The following ICE1 variants were observed in gnomAD, a reference collection of about 807,000 sequenced individuals.
ICE1 encodes interactor of little elongation complex ELL subunit 1, also known as little elongation complex subunit 1.
In ICE1, 64 loss-of-function variants were observed where a neutral mutation model predicts 192.7. The observed-to-expected ratio is 0.33, with a 90% CI of 0.27 to 0.41. The LOEUF (loss-of-function observed/expected upper bound fraction) is 0.41, where lower values mean the gene tolerates loss of function less well. ICE1 is among the 10% of genes least tolerant of loss of function. ICE1 has a pLI of 1.00. For synonymous variants in ICE1, 1,010 were observed against 984.5 expected (o/e 1.03, Z -0.49); for missense variants, 2,708 against 2,696.0 (o/e 1.00, Z -0.10).
chr5:5,475,845 A>C (rs1579576974), intron 16 of ICE1, 128 bp from the exon 17 acceptor site: 2 of 667,428 alleles, frequency 3.0e-6, no homozygotes. Flanking sequence ...ATCTGTTCTC[A>C]CTTGAACTTA....
At chr5:5,454,948 G>A (rs965541759) in intron 11 of ICE1, among the ~76,000 whole-genome samples, 2 of 152,092 alleles carry the variant, frequency 1.3e-5, no homozygotes, top group Non-Finnish European at 2.9e-5. Context: ...TCATGAATTT[G>A]ATCAATCTGT....
At chr5:5,447,945 G>C (rs1231327532) in intron 10 of ICE1, 48 bp downstream of exon 10, 2 of 1,418,508 alleles carry the variant, frequency 1.4e-6, no homozygotes, top group Non-Finnish European at 1.9e-6. Context: ...TGCTCTTAGT[G>C]GGTTGTGAGA....
In ICE1 at chr5:5,463,664, A is replaced by G. The variant is rs201331451; in HGVS notation, c.4330A>G (p.Ile1444Val). The G allele has an allele frequency of 4.9e-4, 798 of 1,613,840 alleles. 2 individuals carry two copies. The highest frequency in any genetic ancestry group is 8.2e-4 in the Middle Eastern group (5 of 6,082). The change falls in exon 13 of 19, where the codon ATT becomes GTT. Residue 1444 changes from isoleucine (I) to valine (V), a missense_variant. Around this residue, in one of 2 missense-constraint regions of ICE1, gnomAD observed 2,366 missense variants for 2,276.6 expected, o/e 1.04. Transcript: ENST00000296564. ...PHVDQVTLCD[I>V]PGDIPISQDQ... is the part of the protein sequence containing the mutation. ...TGTGGACCAGGTCACACTGTGTGACATTCCTGGAGACATCCCTATTTCTCA... is the reference window on the plus strand; with the variant it reads ...TGTGGACCAGGTCACACTGTGTGACGTTCCTGGAGACATCCCTATTTCTCA...
chr5:5,441,164 C>A lies in ICE1; in HGVS notation c.250C>A (p.Pro84Thr), dbSNP rs757328197. 2.9e-5 allele frequency: 46 copies of A among 1,565,312 alleles called. No homozygotes were observed. Among genetic ancestry groups the A allele is most frequent in the Non-Finnish European group, 3.8e-5 (44 of 1,153,806 alleles). Residue 84 changes from proline to threonine, a missense_variant, in exon 5 of 19, where the codon CCT (proline) becomes ACT (threonine). Physicochemically the swap from Pro to Thr is conservative, Grantham distance 38 (BLOSUM62 -1). This residue lies in a region of ICE1 where 2,366 missense variants were observed against 2,276.6 expected (regional missense o/e 1.04). Coordinates refer to ENST00000296564, the MANE Select transcript of ICE1 (RefSeq NM_015325.3). The part of the protein sequence containing the change: ...QVEEMLQKIS[P>T]LQKCQEELGS... ...GGAAGAGATGCTTCAAAAAATTTCT[C>A]CTCTACAGAAATGTCAGGAAGAACT... is the stretch of plus-strand genomic sequence containing the variant.
chr5:5,470,060 T>TC (rs749713467), intron 15 of ICE1, among the ~76,000 whole-genome samples: 48 of 152,220 alleles, frequency 3.2e-4, no homozygotes, highest in Admixed American at 7.8e-4. Flanking sequence ...CCCAGAGAAT[T>TC]ACCTGCCTCT....
intron 17 of ICE1, among the ~76,000 whole-genome samples, chr5:5,478,926 A>C (rs181705824): frequency 6.6e-6 from 1 of 152,308 alleles, no homozygotes; most frequent in Admixed American, 6.5e-5. Flanking sequence ...CCCCTTCCTT[A>C]CACCTTATAC....
chr5:5,489,612 C>A lies in ICE1; in HGVS notation c.*282C>A. On this transcript the variant is annotated 3_prime_UTR_variant, in exon 19 of 19. Transcript: ENST00000296564. Reference sequence around the variant, plus strand: ...TCAAACAACAAAAACTTGAACTTAGCCCTTTTTTTGCTGCAGAAAGTGTCC... The same window carrying A: ...TCAAACAACAAAAACTTGAACTTAGACCTTTTTTTGCTGCAGAAAGTGTCC... 1 of 247,786 alleles carries A rather than the reference C, an allele frequency of 4.0e-6. No homozygotes were observed. The highest frequency in any genetic ancestry group is 1.7e-4 in the South Asian group (1 of 5,928). The allele number at this position is 247,786 out of a possible 1,614,324, so 15.3% of individuals were successfully genotyped here.
Position 5,489,410 on chromosome 5 carries a change from G to T in ICE1, c.*80G>T. ...GTTTGATCAGCTTTCAGAATACAAA[G>T]GGAGGTTTCAAAACAAAAAGACATA... On this transcript the variant is annotated 3_prime_UTR_variant, in exon 19 of 19. Transcript: ENST00000296564. The T allele has an allele frequency of 7.8e-7, 1 of 1,284,752 alleles. No homozygotes were observed. Among genetic ancestry groups the T allele is most frequent in the Admixed American group, 2.9e-5 (1 of 34,346 alleles). 79.6% of individuals were successfully genotyped at this position (1,284,752 alleles called of 1,614,324 possible). A position where few individuals can be genotyped will look rare whatever the true frequency, so the allele number is the denominator to read the frequency against.
At position 5,462,967 on chromosome 5, in the gene ICE1, G is replaced by T. The variant is rs747725619; in HGVS notation, c.3633G>T (p.Lys1211Asn). ...TLSKEMNKELKASEIGEKYRK... is the reference protein window; with the variant it reads ...TLSKEMNKELNASEIGEKYRK... ...GTAAAGAAATGAACAAAGAATTAAA[G>T]GCAAGTGAAATAGGAGAAAAATACA... Residue 1211 changes from lysine to asparagine, a missense_variant, in exon 13 of 19, where the codon AAG (lysine) becomes AAT (asparagine). Transcript: ENST00000296564. 3.5e-5 allele frequency: 56 copies of T among 1,612,984 alleles called. No homozygotes were observed. The East Asian group carries it at 1.2e-3, about 36-fold the overall frequency.
In ICE1 at chr5:5,479,394, T is replaced by TA. The variant is rs545511268; in HGVS notation, c.6520+3316dup. 1.3e-4 allele frequency among the ~76,000 whole-genome samples: 20 copies of TA among 152,310 alleles called. No individual in the cohort carries two copies. The South Asian group carries it at 3.9e-3, about 30-fold the overall frequency. On this transcript the variant is annotated intron_variant, in intron 17 of 18. Coordinates refer to ENST00000296564, the MANE Select transcript of ICE1 (RefSeq NM_015325.3). Reference sequence around the variant, plus strand: ...AACGCAAATCAAAACCACTATGAGGTACCATCTCACACTAGTTAGGATGGT... The same window carrying TA: ...AACGCAAATCAAAACCACTATGAGGTAACCATCTCACACTAGTTAGGATGGT...
intron 1 of ICE1, among the ~76,000 whole-genome samples, chr5:5,429,963 A>G (rs943706839): frequency 5.3e-5 from 8 of 152,234 alleles, no homozygotes; most frequent in African/African-American, 1.9e-4. Flanking sequence ...CCCAGAAGGC[A>G]AAGAAAAGAT....
At position 5,466,359 on chromosome 5, in the gene ICE1, C is replaced by A; in HGVS notation, c.5918C>A (p.Ser1973Tyr). ...KKHLAECLLH[S>Y]ILSELKIQKI... is the part of the protein sequence containing the mutation. Reference sequence around the variant, plus strand: ...CATTTAGCAGAGTGCTTGCTTCACTCTATTCTCTCAGAACTAAAAATTCAG... The same window carrying A: ...CATTTAGCAGAGTGCTTGCTTCACTATATTCTCTCAGAACTAAAAATTCAG... The change falls in exon 14 of 19, where the codon TCT becomes TAT. Residue 1973 changes from serine to tyrosine, a missense_variant. By Grantham distance (144) the Ser-to-Tyr change is moderately radical. Transcript: ENST00000296564. 6.2e-7 allele frequency: 1 copy of A among 1,609,580 alleles called. No individual in the cohort carries two copies. Among genetic ancestry groups the A allele is most frequent in the Non-Finnish European group, 8.5e-7 (1 of 1,178,256 alleles).
At chr5:5,474,237 A>G (rs1026395678) in intron 16 of ICE1, among the ~76,000 whole-genome samples, 4 of 151,074 alleles carry the variant, frequency 2.6e-5, no homozygotes, top group African/African-American at 9.7e-5. Context: ...AAAAAATGCT[A>G]CCTTCATCCC....
intron 17 of ICE1, among the ~76,000 whole-genome samples, chr5:5,479,304 A>G (rs1368633002): frequency 6.6e-6 from 1 of 152,234 alleles, no homozygotes; most frequent in East Asian, 1.9e-4. Context: ...GACACTTCTC[A>G]AAAGAAGACA....
intron 11 of ICE1, among the ~76,000 whole-genome samples, chr5:5,455,958 GT>G (rs201237982): frequency 2.8e-4 from 41 of 147,992 alleles, no homozygotes; most frequent in South Asian, 2.2e-4. Flanking sequence ...AAAAGTTCCT[GT>G]TTTTTTTTTA....
intron 3 of ICE1, 39 bp downstream of exon 3, chr5:5,437,153 T>G: frequency 2.1e-6 from 3 of 1,441,084 alleles, no homozygotes; most frequent in Non-Finnish European, 2.9e-6. Context: ...GTTTTGGAAC[T>G]AACTTATGTT....
rs776124316 is a variant in ICE1 at position 5,461,346 on chromosome 5, C to T, written c.2012C>T (p.Ser671Leu). 9 of 1,613,766 alleles carry T rather than the reference C, an allele frequency of 5.6e-6. No homozygotes were observed. Among genetic ancestry groups the T allele is most frequent in the Non-Finnish European group, 7.6e-6 (9 of 1,179,802 alleles). The part of the protein sequence containing the change: ...TKVFSTEPHH[S>L]EHKLQTKTLN... ...GTATTCTCTACTGAACCGCATCATT[C>T]AGAACATAAATTGCAAACTAAAACT... The change falls in exon 13 of 19, where the codon TCA (serine) becomes TTA (leucine). Residue 671 changes from serine to leucine, a missense_variant. This residue lies in a region of ICE1 where 2,366 missense variants were observed against 2,276.6 expected (regional missense o/e 1.04). Transcript: ENST00000296564.
intron 1 of ICE1, among the ~76,000 whole-genome samples, chr5:5,430,931 C>T (rs1463161194): frequency 6.6e-6 from 1 of 152,198 alleles, no homozygotes; most frequent in Non-Finnish European, 1.5e-5. Flanking sequence ...CTGGATTGAA[C>T]ACTTTATATG....
chr5:5,470,842 T>C (rs1431399675), intron 15 of ICE1, among the ~76,000 whole-genome samples: 1 of 152,132 alleles, frequency 6.6e-6, no homozygotes, highest in Non-Finnish European at 1.5e-5. Context: ...AAATAAAATA[T>C]GCAAAGTAAA....
Sources: gnomAD v4.1 joint callset for allele counts (sites outside exome capture counted in the v4.1 genomes callset) on GRCh38, gnomAD v4.1.1 for gene constraint, gnomAD v4.1.1 regional missense constraint, MANE v1.5 for transcripts, NCBI Gene and HGNC (gene_info 2026-07-23, HGNC 2026-07-21) for gene names.